Variants in SMARCA2 observed in about 807,000 individuals in gnomAD.
SMARCA2 encodes SWI/SNF related BAF chromatin remodeling complex subunit ATPase 2.
Under a neutral mutation model 199.8 loss-of-function variants are expected in SMARCA2, and 61 were observed. That is an observed-to-expected ratio of 0.31 (90% CI 0.25 to 0.38). SMARCA2 has a LOEUF of 0.38. Among genes scored for constraint, SMARCA2 ranks in the 10% least tolerant of loss-of-function variants. The pLI is 1.00. For synonymous variants in SMARCA2, 935 were observed against 732.0 expected (o/e 1.28, Z -4.48); for missense variants, 1,344 against 2,012.2 (o/e 0.67, Z 6.35).
At position 2,081,969 on chromosome 9, in the gene SMARCA2, C is replaced by A. The variant is rs1218835324; in HGVS notation, c.2322C>A (p.Gly774=). 2 of 1,613,704 alleles carry A rather than the reference C, an allele frequency of 1.2e-6. No homozygotes were observed. Among genetic ancestry groups the A allele is most frequent in the Non-Finnish European group, 8.5e-7 (1 of 1,179,796 alleles). ...TGATGGAGCACAAAAGACTCAATGG[C>A]CCCTATCTCATCATTGTTCCCCTTT... is the stretch of plus-strand genomic sequence containing the variant. ...TYLMEHKRLN[G]PYLIIVPLST... Residue 774 remains glycine (G), a synonymous_variant, in exon 15 of 34, where the codon GGC becomes GGA. Transcript: ENST00000349721.
At chr9:2,101,347 G>T (rs539524805) in intron 21 of SMARCA2, among the ~76,000 whole-genome samples, 1 of 152,062 alleles carries the variant, frequency 6.6e-6, no homozygotes, top group African/African-American at 2.4e-5. Flanking sequence ...TTACCTGAGA[G>T]TCTAGAGACT....
chr9:2,041,166 G>A (rs567853693), intron 4 of SMARCA2: 19 of 393,506 alleles, frequency 4.8e-5, no homozygotes, highest in African/African-American at 2.9e-4. Context: ...GTTTGTATAC[G>A]TTTATTTTCT....
intron 19 of SMARCA2, among the ~76,000 whole-genome samples, chr9:2,089,588 GA>G (rs1169435964): frequency 1.3e-5 from 2 of 151,894 alleles, no homozygotes; most frequent in African/African-American, 2.4e-5. Flanking sequence ...TGCATTGTCA[GA>G]AAAAAAATTA....
intron 5 of SMARCA2, among the ~76,000 whole-genome samples, chr9:2,050,387 C>G (rs1820064867): frequency 6.6e-6 from 1 of 151,124 alleles, no homozygotes; most frequent in Non-Finnish European, 1.5e-5. Context: ...CCTAACTTCG[C>G]TTTCTTCTAT....
chr9:2,146,824 G>C (rs749712258), intron 27 of SMARCA2, among the ~76,000 whole-genome samples: 3 of 152,102 alleles, frequency 2.0e-5, no homozygotes, highest in Non-Finnish European at 4.4e-5. Flanking sequence ...GTAGCAGTGA[G>C]GGCCACCAGA....
intron 5 of SMARCA2, among the ~76,000 whole-genome samples, chr9:2,051,292 C>G (rs867927683): frequency 1.3e-5 from 2 of 152,150 alleles, no homozygotes; most frequent in Admixed American, 6.5e-5. Context: ...CTTCTTGCCT[C>G]CCTTCCAGAA....
At chr9:2,134,690 A>T (rs943375018) in intron 27 of SMARCA2, among the ~76,000 whole-genome samples, 4 of 152,280 alleles carry the variant, frequency 2.6e-5, no homozygotes, top group Admixed American at 1.3e-4. Context: ...GTCCCTGCAA[A>T]ATGGATATGT....
chr9:2,176,180 C>CT (rs1433097431), intron 29 of SMARCA2, among the ~76,000 whole-genome samples: 84 of 109,886 alleles, frequency 7.6e-4, no homozygotes, highest in African/African-American at 4.5e-3. Context: ...CGCGCCCGGC[C>CT]TGTTTTTTTT....
chr9:2,120,373 C>T (rs1823403917), intron 26 of SMARCA2, among the ~76,000 whole-genome samples: 2 of 152,084 alleles, frequency 1.3e-5, no homozygotes, highest in African/African-American at 4.8e-5. Flanking sequence ...TATGGGGGGA[C>T]AGAGCTGCAA....
chr9:2,135,739 C>T (rs529145569), intron 27 of SMARCA2, among the ~76,000 whole-genome samples: 39 of 152,230 alleles, frequency 2.6e-4, no homozygotes, highest in African/African-American at 7.0e-4. Flanking sequence ...GATGGGGTTT[C>T]GCCATGTTGG....
Position 2,182,818 on chromosome 9 carries a change from A to AGAT in SMARCA2, c.4461+578_4461+580dup, listed in dbSNP as rs1475145860. Among the ~76,000 whole-genome samples, 5 of 138,740 alleles carry AGAT rather than the reference A, an allele frequency of 3.6e-5. No individual in the cohort carries two copies. In the South Asian group the frequency reaches 9.2e-4, roughly 26 times the overall value. 91.0% of individuals were successfully genotyped at this position (138,740 alleles called of 152,430 possible). Reference sequence around the variant, plus strand: ...CCTCAAAGCATATATTTTTTTTTCGAGATGGAGTCTCGCCCAGGCTGGAGT... The same window carrying AGAT: ...CCTCAAAGCATATATTTTTTTTTCGAGATGATGGAGTCTCGCCCAGGCTGGAGT... On this transcript the variant is annotated intron_variant, in intron 31 of 33. Coordinates refer to ENST00000349721, the MANE Select transcript of SMARCA2 (RefSeq NM_003070.5).
At chr9:2,175,853 T>A (rs1309213648) in intron 29 of SMARCA2, among the ~76,000 whole-genome samples, 1 of 151,984 alleles carries the variant, frequency 6.6e-6, no homozygotes, top group Non-Finnish European at 1.5e-5. Flanking sequence ...CAATTTGATA[T>A]CCTCTGTTTT....
chr9:2,191,448 C>G (rs752053322), intron 33 of SMARCA2, 40 bp downstream of exon 33: 2 of 1,609,518 alleles, frequency 1.2e-6, no homozygotes, highest in East Asian at 2.2e-5. Flanking sequence ...GAGACGCCCT[C>G]TCCCCTGCTT....
chr9:2,139,911 G>C (rs1824384427), intron 27 of SMARCA2, among the ~76,000 whole-genome samples: 1 of 152,160 alleles, frequency 6.6e-6, no homozygotes, highest in African/African-American at 2.4e-5. Context: ...TTTGGGAAGG[G>C]CTATTATCAT....
At chr9:2,088,828 A>G (rs972932729) in intron 19 of SMARCA2, among the ~76,000 whole-genome samples, 3 of 151,502 alleles carry the variant, frequency 2.0e-5, no homozygotes, top group Non-Finnish European at 4.4e-5. Context: ...GTTCGAGCAG[A>G]TTTTATGAAA....
Position 2,082,005 on chromosome 9 carries a change from G to T in SMARCA2, c.2348+10G>T. On this transcript the variant is annotated intron_variant, in intron 15 of 33. Transcript: ENST00000349721. ...TCATTGTTCCCCTTTCGTAAGTAAA[G>T]TCATTTATTCCACAGTCATCGTTCT... 6.2e-7 allele frequency: 1 copy of T among 1,610,624 alleles called. No homozygotes were observed. The highest frequency in any genetic ancestry group is 8.5e-7 in the Non-Finnish European group (1 of 1,178,100).
chr9:2,145,156 G>A (rs376605260), intron 27 of SMARCA2, among the ~76,000 whole-genome samples: 11 of 152,040 alleles, frequency 7.2e-5, no homozygotes, highest in African/African-American at 1.7e-4. Context: ...AAAATTAGCC[G>A]GGCATGGTGG....
At chr9:2,076,146 GT>G in intron 12 of SMARCA2, 82 bp from the exon 13 acceptor site, 1 of 798,690 alleles carries the variant, frequency 1.3e-6, no homozygotes, top group Non-Finnish European at 2.2e-6. Flanking sequence ...TTCAATACTA[GT>G]TTATGTCTTT....
intron 28 of SMARCA2, among the ~76,000 whole-genome samples, chr9:2,164,854 T>G (rs1825862163): frequency 6.6e-6 from 1 of 152,248 alleles, no homozygotes; most frequent in Admixed American, 6.5e-5. Flanking sequence ...CTCCCACATT[T>G]AGATGCTTTC....
Sources: allele counts gnomAD v4.1 joint callset (sites outside exome capture counted in the v4.1 genomes callset), GRCh38; gene constraint gnomAD v4.1.1; transcripts MANE v1.5; gene names NCBI Gene and HGNC (gene_info 2026-07-23, HGNC 2026-07-21).